Variants in PTPRD observed in about 807,000 individuals in gnomAD.
The protein encoded by PTPRD is protein tyrosine phosphatase receptor type D.
Under a neutral mutation model 214.5 loss-of-function variants are expected in PTPRD, and 34 were observed. That is an observed-to-expected ratio of 0.16 (90% CI 0.12 to 0.21). PTPRD has a LOEUF of 0.21. Among genes scored for constraint, PTPRD ranks in the 10% least tolerant of loss-of-function variants. The pLI is 1.00. For missense variants in PTPRD, 2,545 were observed against 2,398.7 expected, an observed-to-expected ratio of 1.06 and a Z score of -1.27; for synonymous variants, 1,128 against 845.7, an observed-to-expected ratio of 1.33 and a Z score of -5.79.
chr9:9,445,279 T>C (rs2089996907), intron 8 of PTPRD, among the ~76,000 whole-genome samples: 1 of 152,170 alleles, frequency 6.6e-6, no homozygotes, highest in South Asian at 2.1e-4. Flanking sequence ...CGTTTATCCC[T>C]GCAAATGGAC....
intron 9 of PTPRD, among the ~76,000 whole-genome samples, chr9:9,214,893 T>C (rs993283345): frequency 1.3e-5 from 2 of 152,184 alleles, no homozygotes; most frequent in Non-Finnish European, 2.9e-5. Flanking sequence ...CCAGAGATGT[T>C]AAGTAACGTA....
intron 11 of PTPRD, among the ~76,000 whole-genome samples, chr9:8,757,235 C>G (rs950276481): frequency 6.6e-6 from 1 of 152,066 alleles, no homozygotes; most frequent in Non-Finnish European, 1.5e-5. Context: ...AAAGGTCAAA[C>G]AAGGACAATG....
At chr9:9,831,777 C>T (rs965894131) in intron 5 of PTPRD, among the ~76,000 whole-genome samples, 2 of 151,938 alleles carry the variant, frequency 1.3e-5, no homozygotes, top group Admixed American at 1.3e-4. Flanking sequence ...TCTTTGGCTT[C>T]TAATGTTATT....
At chr9:10,523,924 A>T (rs960209369) in intron 2 of PTPRD, among the ~76,000 whole-genome samples, 1 of 151,952 alleles carries the variant, frequency 6.6e-6, no homozygotes, top group Admixed American at 6.6e-5. Context: ...AAAAAAGGTC[A>T]CAGGTATGAT....
intron 9 of PTPRD, among the ~76,000 whole-genome samples, chr9:9,228,969 T>C (rs959402809): frequency 1.3e-5 from 2 of 152,122 alleles, no homozygotes; most frequent in Non-Finnish European, 2.9e-5. Flanking sequence ...GCACAAAGGC[T>C]TATCTATAAA....
intron 5 of PTPRD, among the ~76,000 whole-genome samples, chr9:9,855,536 G>C (rs187537238): frequency 4.6e-5 from 7 of 152,224 alleles, no homozygotes; most frequent in Admixed American, 4.6e-4. Context: ...GATCCTTTTC[G>C]TGGGAATTGT....
intron 2 of PTPRD, among the ~76,000 whole-genome samples, chr9:10,494,908 C>G (rs973514553): frequency 6.6e-6 from 1 of 151,534 alleles, no homozygotes; most frequent in Non-Finnish European, 1.5e-5. Flanking sequence ...ATGCATTTGA[C>G]ATATTGTTGA....
At chr9:10,095,647 A>G (rs892360229) in intron 3 of PTPRD, among the ~76,000 whole-genome samples, 2 of 151,606 alleles carry the variant, frequency 1.3e-5, no homozygotes, top group East Asian at 3.9e-4. Flanking sequence ...CCTAATGCAC[A>G]AAACATATCA....
At chr9:8,530,269 C>A (rs768134165) in intron 14 of PTPRD, among the ~76,000 whole-genome samples, 1 of 152,006 alleles carries the variant, frequency 6.6e-6, no homozygotes, top group Non-Finnish European at 1.5e-5. Flanking sequence ...TAGCAAAGTC[C>A]TTTTCAATCA....
At chr9:10,037,005 T>A (rs1443012551) in intron 3 of PTPRD, among the ~76,000 whole-genome samples, 1 of 152,010 alleles carries the variant, frequency 6.6e-6, no homozygotes, top group Admixed American at 6.6e-5. Context: ...CACCCCAGTC[T>A]CCTTGAAGTA....
intron 12 of PTPRD, among the ~76,000 whole-genome samples, chr9:8,650,946 G>T (rs1057004676): frequency 6.6e-6 from 1 of 150,986 alleles, no homozygotes; most frequent in East Asian, 1.9e-4. Flanking sequence ...GCAATGATTT[G>T]CAGGCTTCCA....
At chr9:9,720,159 C>A (rs2097911303) in intron 7 of PTPRD, among the ~76,000 whole-genome samples, 7 of 152,168 alleles carry the variant, frequency 4.6e-5, no homozygotes, top group Admixed American at 4.6e-4. Flanking sequence ...TGACATCCTG[C>A]ATCAACATCT....
intron 9 of PTPRD, among the ~76,000 whole-genome samples, chr9:9,330,721 T>C (rs1349307819): frequency 1.3e-5 from 2 of 151,904 alleles, no homozygotes; most frequent in African/African-American, 4.8e-5. Context: ...ATATATAATA[T>C]TGATTTGTAG....
chr9:9,235,958 G>A (rs142169182), intron 9 of PTPRD, among the ~76,000 whole-genome samples: 1 of 152,052 alleles, frequency 6.6e-6, no homozygotes, highest in Non-Finnish European at 1.5e-5. Context: ...ACAATAAGGG[G>A]TTATATTTAA....
chr9:9,162,661 G>A (rs1008521889), intron 10 of PTPRD, among the ~76,000 whole-genome samples: 2 of 151,878 alleles, frequency 1.3e-5, no homozygotes, highest in Non-Finnish European at 2.9e-5. Flanking sequence ...CATCATGCAT[G>A]GTTTTTCAGC....
chr9:8,953,796 A>C (rs1376720325), intron 11 of PTPRD, among the ~76,000 whole-genome samples: 1 of 152,082 alleles, frequency 6.6e-6, no homozygotes, highest in Non-Finnish European at 1.5e-5. Flanking sequence ...AACCACAATG[A>C]TATGCCATCT....
At chr9:8,539,424 C>A (rs983187272) in intron 14 of PTPRD, among the ~76,000 whole-genome samples, 4 of 151,632 alleles carry the variant, frequency 2.6e-5, no homozygotes, top group African/African-American at 9.7e-5. Flanking sequence ...TTGCTGTATT[C>A]TAAGCACGGT....
intron 2 of PTPRD, among the ~76,000 whole-genome samples, chr9:10,501,866 G>A (rs1014929324): frequency 1.3e-5 from 2 of 151,842 alleles, no homozygotes; most frequent in African/African-American, 2.4e-5. Flanking sequence ...AAGCACATTA[G>A]AATCACACAA....
At chr9:8,932,180 G>C (rs1182296897) in intron 11 of PTPRD, among the ~76,000 whole-genome samples, 2 of 151,990 alleles carry the variant, frequency 1.3e-5, no homozygotes, top group Non-Finnish European at 2.9e-5. Context: ...CTGATCTTAA[G>C]TGTTTCTTGC....
Sources: gnomAD v4.1 joint callset for allele counts (sites outside exome capture counted in the v4.1 genomes callset) on GRCh38, gnomAD v4.1.1 for gene constraint, MANE v1.5 for transcripts, NCBI Gene and HGNC (gene_info 2026-07-23, HGNC 2026-07-21) for gene names.